Variants in ALMS1 observed in about 807,000 individuals in gnomAD.
The protein encoded by ALMS1 is centrosome-associated protein ALMS1.
Under a neutral mutation model 352.2 loss-of-function variants are expected in ALMS1, and 271 were observed. The ratio of observed to expected loss-of-function variants is 0.77; its 90% CI spans 0.70 to 0.85. ALMS1 has a LOEUF of 0.85. ALMS1 is among the 40% of genes least tolerant of loss of function. The pLI is 0.00. For synonymous variants in ALMS1, 1,865 were observed against 1,761.2 expected, an observed-to-expected ratio of 1.06 and a Z score of -1.48; for missense variants, 5,445 against 4,870.7, an observed-to-expected ratio of 1.12 and a Z score of -3.51.
intron 22 of ALMS1, among the ~76,000 whole-genome samples, 157 bp downstream of exon 22, chr2:73,608,731 G>A (rs1436515112): frequency 6.6e-6 from 1 of 152,158 alleles, no homozygotes; most frequent in Non-Finnish European, 1.5e-5. Flanking sequence ...TTGGAAGAAG[G>A]CATCTGTAAT....
At chr2:73,527,801 C>G (rs1029878544) in intron 11 of ALMS1, among the ~76,000 whole-genome samples, 1 of 150,890 alleles carries the variant, frequency 6.6e-6, no homozygotes, top group Admixed American at 6.6e-5. Flanking sequence ...TTATGGATTT[C>G]ATTTGCTCTT....
chr2:73,452,267 A>G lies in ALMS1; in HGVS notation c.5740A>G (p.Thr1914Ala). 6.2e-7 allele frequency: 1 copy of G among 1,614,030 alleles called. No homozygotes were observed. Among genetic ancestry groups the G allele is most frequent in the Non-Finnish European group, 8.5e-7 (1 of 1,179,982 alleles). Reference sequence around the variant, plus strand: ...TCATCAGCAGGAGTTGCCAGATGTTACTGAAGAAGCTTTAAATGTTTTTGT... The same window carrying G: ...TCATCAGCAGGAGTTGCCAGATGTTGCTGAAGAAGCTTTAAATGTTTTTGT... ...IFHQQELPDV[T>A]EEALNVFVVP... The change falls in exon 8 of 23, where the codon ACT (threonine) becomes GCT (alanine). Residue 1914 changes from threonine to alanine, a missense_variant. By Grantham distance (58) the Thr-to-Ala change is moderately conservative. Coordinates refer to ENST00000613296, the MANE Select transcript of ALMS1 (RefSeq NM_001378454.1).
At chr2:73,402,410 G>C (rs1433939149) in intron 1 of ALMS1, among the ~76,000 whole-genome samples, 6 of 151,358 alleles carry the variant, frequency 4.0e-5, no homozygotes, top group Non-Finnish European at 4.4e-5. Flanking sequence ...AGTAGCTGGG[G>C]TTACAGGTGT....
chr2:73,471,187 C>T (rs572444001), intron 9 of ALMS1, among the ~76,000 whole-genome samples: 8 of 147,576 alleles, frequency 5.4e-5, no homozygotes, highest in Non-Finnish European at 1.0e-4. Context: ...CTCTTGCTGT[C>T]TTCCTTTGTG....
chr2:73,587,747 A>C (rs1438529235), intron 16 of ALMS1, among the ~76,000 whole-genome samples: 1 of 152,152 alleles, frequency 6.6e-6, no homozygotes, highest in East Asian at 1.9e-4. Context: ...CTTTGAAAAG[A>C]TAAACAAAAT....
At chr2:73,538,027 A>C (rs34079207) in intron 12 of ALMS1, among the ~76,000 whole-genome samples, 3 of 152,170 alleles carry the variant, frequency 2.0e-5, no homozygotes, top group African/African-American at 7.2e-5. Context: ...AAACAAAAAA[A>C]CAAAGGCAAC....
intron 9 of ALMS1, among the ~76,000 whole-genome samples, chr2:73,477,735 G>T (rs1672611337): frequency 2.6e-5 from 4 of 151,862 alleles, no homozygotes; most frequent in Admixed American, 2.6e-4. Context: ...TCTTGCTGTT[G>T]TAAATTGAAT....
Position 73,518,781 on chromosome 2 carries a change from G to A in ALMS1, c.9540-994G>A, listed in dbSNP as rs59866374. Among the ~76,000 whole-genome samples the A allele has an allele frequency of 5.4e-3, 823 of 152,106 alleles. 10 individuals are homozygous for A. The highest frequency in any genetic ancestry group is 0.018 in the African/African-American group (736 of 41,500). The stretch of plus-strand genomic sequence containing the variant: ...TCTTCTTTTAAAAAGTGTCTGTCAT[G>A]TCCTTTGCCCACTAAGTTCCTTGTA... On this transcript the variant is annotated intron_variant, in intron 10 of 22. Coordinates refer to ENST00000613296, the MANE Select transcript of ALMS1 (RefSeq NM_001378454.1).
chr2:73,567,053 C>CT (rs1309114639), intron 15 of ALMS1, among the ~76,000 whole-genome samples: 2 of 152,318 alleles, frequency 1.3e-5, no homozygotes, highest in African/African-American at 4.8e-5. Context: ...TCTTCAAACT[C>CT]TGTCTGTTAG....
At chr2:73,605,798 G>A (rs1370093073) in intron 21 of ALMS1, among the ~76,000 whole-genome samples, 1 of 151,626 alleles carries the variant, frequency 6.6e-6, no homozygotes, top group Non-Finnish European at 1.5e-5. Context: ...AGCCAAGATC[G>A]CGCCACTGCA....
At chr2:73,608,441 C>A in intron 21 of ALMS1, 34 bp from the exon 22 acceptor site, 1 of 1,569,942 alleles carries the variant, frequency 6.4e-7, no homozygotes, top group Non-Finnish European at 8.8e-7. Flanking sequence ...GTAACCTCCC[C>A]GATTTCTGTC....
chr2:73,434,560 G>T (rs139710113), intron 7 of ALMS1, among the ~76,000 whole-genome samples: 15 of 152,314 alleles, frequency 9.8e-5, no homozygotes, highest in African/African-American at 3.4e-4. Context: ...GTATTCTGCT[G>T]TTGTTAGGTG....
chr2:73,497,541 C>G (rs1211987164), intron 10 of ALMS1, among the ~76,000 whole-genome samples: 3 of 151,826 alleles, frequency 2.0e-5, no homozygotes, highest in Admixed American at 1.3e-4. Flanking sequence ...AGTGCATGTA[C>G]AAGTTATGTT....
At chr2:73,391,638 G>C (rs1013616163) in intron 1 of ALMS1, among the ~76,000 whole-genome samples, 3 of 152,028 alleles carry the variant, frequency 2.0e-5, no homozygotes, top group African/African-American at 7.3e-5. Flanking sequence ...TGTGTTCCTA[G>C]GGTAAAAACT....
chr2:73,506,028 G>A (rs906363988), intron 10 of ALMS1, among the ~76,000 whole-genome samples: 3 of 152,128 alleles, frequency 2.0e-5, no homozygotes, highest in African/African-American at 7.2e-5. Context: ...AGTTTTCCCA[G>A]CACTATTTAT....
chr2:73,572,868 G>A lies in ALMS1; in HGVS notation c.10991G>A (p.Ser3664Asn). 6.2e-7 allele frequency: 1 copy of A among 1,614,098 alleles called. No individual in the cohort carries two copies. Among genetic ancestry groups the A allele is most frequent in the Non-Finnish European group, 8.5e-7 (1 of 1,180,010 alleles). The change falls in exon 16 of 23, where the codon AGT (serine) becomes AAT (asparagine). Residue 3664 changes from serine to asparagine, a missense_variant. Physicochemically the swap from Ser to Asn is conservative, Grantham distance 46 (BLOSUM62 1). Transcript: ENST00000613296. ...SRGERSVKEW[S>N]GRQQQRNKLQ... is the part of the protein sequence containing the mutation. ...GGGGAACGAAGTGTGAAGGAATGGA[G>A]TGGTAGACAACAGCAGAGAAATAAG... is the stretch of plus-strand genomic sequence containing the variant.
intron 2 of ALMS1, among the ~76,000 whole-genome samples, chr2:73,415,794 T>C (rs1671172501): frequency 6.6e-6 from 1 of 152,148 alleles, no homozygotes; most frequent in Non-Finnish European, 1.5e-5. Context: ...TAGCTTTTGC[T>C]GAGCAAATAG....
rs192488536 is a variant in ALMS1, at chr2:73,545,712, A to G, written c.9908-4555A>G. On this transcript the variant is annotated intron_variant, in intron 12 of 22. Transcript: ENST00000613296. ...TAGCTGTGATAAATAATTTTAGCAT[A>G]TGTTGATATTGTCTCATGCATGTAT... Among the ~76,000 whole-genome samples, 1,171 of 152,350 alleles carry G rather than the reference A, an allele frequency of 7.7e-3. 9 individuals are homozygous for G. Among genetic ancestry groups the G allele is most frequent in the Middle Eastern group, 0.017 (5 of 294 alleles).
At chr2:73,465,679 A>G (rs1489696626) in intron 9 of ALMS1, among the ~76,000 whole-genome samples, 4 of 151,878 alleles carry the variant, frequency 2.6e-5, no homozygotes. Flanking sequence ...AGCAAAAGAA[A>G]CTACCATCAG....
Sources: allele counts gnomAD v4.1 joint callset (sites outside exome capture counted in the v4.1 genomes callset), GRCh38; gene constraint gnomAD v4.1.1; transcripts MANE v1.5; gene names NCBI Gene and HGNC (gene_info 2026-07-23, HGNC 2026-07-21).